The following RUNX2 variants were observed in gnomAD, a reference collection of about 807,000 sequenced individuals.
RUNX2 encodes RUNX family transcription factor 2, also known as runt-related transcription factor 2.
Under a neutral mutation model 51.7 loss-of-function variants are expected in RUNX2, and 10 were observed. The ratio of observed to expected loss-of-function variants is 0.19; its 90% CI spans 0.12 to 0.33. The LOEUF is 0.33. Ranked by LOEUF, RUNX2 falls within the 10% of genes least tolerant of loss-of-function variation. The pLI is 1.00. For synonymous variants in RUNX2, 276 were observed against 273.6 expected (o/e 1.01, Z -0.09); for missense variants, 562 against 691.3 (o/e 0.81, Z 2.10).
At chr6:45,491,622 G>GT (rs34040641) in intron 5 of RUNX2, among the ~76,000 whole-genome samples, 21,616 of 93,512 alleles carry the variant, frequency 0.23, 2,918 homozygotes, top group Non-Finnish European at 0.32. Context: ...TCTCCTGTTT[G>GT]TTTTTTTTTT....
chr6:45,387,509 C>A (rs1797376992), intron 2 of RUNX2, among the ~76,000 whole-genome samples: 2 of 152,128 alleles, frequency 1.3e-5, no homozygotes, highest in South Asian at 4.1e-4. Context: ...CAATGAAATG[C>A]CCGAGACAGT....
At chr6:45,364,600 T>G (rs1490457087) in intron 2 of RUNX2, among the ~76,000 whole-genome samples, 1 of 152,190 alleles carries the variant, frequency 6.6e-6, no homozygotes. Context: ...AATCAAGAGA[T>G]ATAGTTTCAC....
intron 4 of RUNX2, among the ~76,000 whole-genome samples, chr6:45,434,811 A>C (rs920777166): frequency 1.3e-5 from 2 of 152,160 alleles, no homozygotes; most frequent in African/African-American, 2.4e-5. Flanking sequence ...TTAAAATAAC[A>C]GGCTGTATTT....
chr6:45,531,478 G>A (rs1801838510), intron 7 of RUNX2, among the ~76,000 whole-genome samples: 1 of 152,178 alleles, frequency 6.6e-6, no homozygotes, highest in Non-Finnish European at 1.5e-5. Flanking sequence ...AAATAGGCCA[G>A]GCACGGTGGC....
chr6:45,541,261 G>A (rs1384205915), intron 7 of RUNX2, among the ~76,000 whole-genome samples: 1 of 152,146 alleles, frequency 6.6e-6, no homozygotes, highest in Admixed American at 6.5e-5. Flanking sequence ...TGACTTTATA[G>A]TTGGAGAAAA....
chr6:45,474,583 G>C (rs1294194214), intron 5 of RUNX2, among the ~76,000 whole-genome samples: 1 of 152,046 alleles, frequency 6.6e-6, no homozygotes, highest in Non-Finnish European at 1.5e-5. Context: ...AGTCTGTAGA[G>C]TTTAGTCTGG....
chr6:45,410,446 A>G (rs1797926039), intron 2 of RUNX2, among the ~76,000 whole-genome samples: 1 of 152,232 alleles, frequency 6.6e-6, no homozygotes, highest in Admixed American at 6.5e-5. Flanking sequence ...CTATCATGAT[A>G]CCTAAGTTTC....
Position 45,384,940 on chromosome 6 carries a change from G to A in RUNX2, c.59-37653G>A, listed in dbSNP as rs115884784. Among the ~76,000 whole-genome samples the A allele has an allele frequency of 4.8e-3, 729 of 151,822 alleles. 5 individuals are homozygous for A. The highest frequency in any genetic ancestry group is 0.017 in the African/African-American group (683 of 41,394). The stretch of plus-strand genomic sequence containing the variant: ...GCTGATCTCAAACCCCTGGCCTCAC[G>A]TCATCTTCCTGCCTCAGCATCCAAA... On this transcript the variant is annotated intron_variant, in intron 2 of 8. Transcript: ENST00000647337.
At chr6:45,407,157 G>A (rs1226267631) in intron 2 of RUNX2, among the ~76,000 whole-genome samples, 1 of 152,072 alleles carries the variant, frequency 6.6e-6, no homozygotes, top group South Asian at 2.1e-4. Context: ...ACTCTGGAGT[G>A]CAGTAGTGCA....
At chr6:45,460,695 G>A (rs924473905) in intron 5 of RUNX2, among the ~76,000 whole-genome samples, 20 of 151,838 alleles carry the variant, frequency 1.3e-4, no homozygotes, top group Non-Finnish European at 2.5e-4. Context: ...GGAGTTCGAG[G>A]CTGTCATGTG....
At chr6:45,359,250 T>C (rs1381522934) in intron 2 of RUNX2, among the ~76,000 whole-genome samples, 1 of 152,194 alleles carries the variant, frequency 6.6e-6, no homozygotes, top group Admixed American at 6.5e-5. Context: ...AACTTAAACA[T>C]TTCCTATTTC....
intron 2 of RUNX2, among the ~76,000 whole-genome samples, chr6:45,331,510 T>C (rs1381554032): frequency 6.6e-6 from 1 of 151,928 alleles, no homozygotes; most frequent in East Asian, 1.9e-4. Flanking sequence ...GGAGCAGAAT[T>C]ACAAAGTTAA....
At chr6:45,477,256 T>C (rs949678837) in intron 5 of RUNX2, among the ~76,000 whole-genome samples, 5 of 152,220 alleles carry the variant, frequency 3.3e-5, no homozygotes, top group African/African-American at 1.2e-4. Flanking sequence ...GGTTCCCTTT[T>C]AGACACTTTT....
In RUNX2 at chr6:45,532,683, T is replaced by C. The variant is rs139828828; in HGVS notation, c.1022-12534T>C. The stretch of plus-strand genomic sequence containing the variant: ...ATTAAGTCCTTATGAAAAGATTAAA[T>C]AGATGTGGCCCTGCATCTGTGGCAG... On this transcript the variant is annotated intron_variant, in intron 7 of 8. Coordinates refer to ENST00000647337, the MANE Select transcript of RUNX2 (RefSeq NM_001024630.4). Among the ~76,000 whole-genome samples, 851 of 152,330 alleles carry C rather than the reference T, an allele frequency of 5.6e-3. 10 individuals carry two copies. The highest frequency in any genetic ancestry group is 0.019 in the African/African-American group (806 of 41,578).
intron 7 of RUNX2, among the ~76,000 whole-genome samples, chr6:45,523,158 C>T (rs1399946894): frequency 6.6e-6 from 1 of 152,132 alleles, no homozygotes; most frequent in Non-Finnish European, 1.5e-5. Flanking sequence ...ACTGACATCC[C>T]TATGTCTTAA....
intron 2 of RUNX2, chr6:45,371,770 A>C: frequency 6.6e-6 from 6 of 915,222 alleles, no homozygotes; most frequent in Non-Finnish European, 7.8e-6. Context: ...TAGATGGATA[A>C]GCAACTATAA....
At chr6:45,357,181 G>T (rs2150227395) in intron 2 of RUNX2, among the ~76,000 whole-genome samples, 1 of 151,830 alleles carries the variant, frequency 6.6e-6, no homozygotes, top group East Asian at 2.0e-4. Flanking sequence ...TAATTTTTTT[G>T]TATTTTTAGT....
At chr6:45,460,787 A>C (rs1407980468) in intron 5 of RUNX2, among the ~76,000 whole-genome samples, 1 of 151,942 alleles carries the variant, frequency 6.6e-6, no homozygotes, top group African/African-American at 2.4e-5. Flanking sequence ...AAAAAGAGTG[A>C]GTGACCCTTG....
At chr6:45,468,772 C>T (rs1435327542) in intron 5 of RUNX2, among the ~76,000 whole-genome samples, 1 of 152,182 alleles carries the variant, frequency 6.6e-6, no homozygotes, top group Non-Finnish European at 1.5e-5. Flanking sequence ...TTCTGTAGGA[C>T]TGTCCCATTG....
Sources: gnomAD v4.1 joint callset for allele counts (sites outside exome capture counted in the v4.1 genomes callset) on GRCh38, gnomAD v4.1.1 for gene constraint, MANE v1.5 for transcripts, NCBI Gene and HGNC (gene_info 2026-07-23, HGNC 2026-07-21) for gene names.